Variants in IRAG1 observed in about 807,000 individuals in gnomAD.
IRAG1 encodes the protein inositol 1,4,5-triphosphate receptor associated 1, also known as IP3R-associated cGMP kinase substrate.
In IRAG1, 62 loss-of-function variants were observed where a neutral mutation model predicts 106.2. The ratio of observed to expected loss-of-function variants is 0.58; its 90% CI spans 0.48 to 0.72. The LOEUF is 0.72. Among genes scored for constraint, IRAG1 ranks in the 30% least tolerant of loss-of-function variants. The pLI, the probability that IRAG1 is intolerant of heterozygous loss-of-function variation, is 0.00. For missense variants in IRAG1, 1,064 were observed against 1,140.7 expected, an observed-to-expected ratio of 0.93 and a Z score of 0.97; for synonymous variants, 462 against 443.9, an observed-to-expected ratio of 1.04 and a Z score of -0.51.
At chr11:10,602,924 CT>C (rs1854156171) in intron 14 of IRAG1, among the ~76,000 whole-genome samples, 195 bp downstream of exon 14, 1 of 152,140 alleles carries the variant, frequency 6.6e-6, no homozygotes, top group Admixed American at 6.5e-5. Context: ...CCACAGAAAC[CT>C]TTTTCCACAA....
intron 2 of IRAG1, among the ~76,000 whole-genome samples, chr11:10,635,303 G>T (rs1431577402): frequency 6.6e-6 from 1 of 152,178 alleles, no homozygotes; most frequent in Non-Finnish European, 1.5e-5. Flanking sequence ...GGCATGTGCT[G>T]CCACTGCTCC....
At chr11:10,660,089 C>G (rs1203120906) in intron 1 of IRAG1, among the ~76,000 whole-genome samples, 1 of 152,184 alleles carries the variant, frequency 6.6e-6, no homozygotes, top group Non-Finnish European at 1.5e-5. Flanking sequence ...GTCACTAAGC[C>G]TGAGAAGTAG....
chr11:10,688,060 A>G (rs1589985301), intron 1 of IRAG1, among the ~76,000 whole-genome samples: 1 of 152,164 alleles, frequency 6.6e-6, no homozygotes, highest in East Asian at 1.9e-4. Flanking sequence ...TGGGATGCTG[A>G]ACTGGGTAAA....
At chr11:10,627,348 G>A (rs1186372321) in intron 8 of IRAG1, among the ~76,000 whole-genome samples, 4 of 152,108 alleles carry the variant, frequency 2.6e-5, no homozygotes, top group South Asian at 2.1e-4. Flanking sequence ...AGGTTTTCCC[G>A]GCTTCCCCAG....
chr11:10,586,233 T>TA (rs1330901629), intron 18 of IRAG1: 5 of 152,044 alleles, frequency 3.3e-5, no homozygotes, highest in Admixed American at 3.3e-4. Flanking sequence ...ACACAACATG[T>TA]AAAATGTTTG....
rs943890575 is a variant in IRAG1, at chr11:10,576,010, C to T, written c.*322G>A. On this transcript the variant is annotated 3_prime_UTR_variant, in exon 21 of 21. Coordinates refer to ENST00000423302, the MANE Select transcript of IRAG1 (RefSeq NM_130385.4). ...TCCCCCGTGCCCCGCTCCTTACCCC[C>T]AACCACCAGTGAAGGTGTTTTAGTT... 2 of 331,724 alleles carry T rather than the reference C, an allele frequency of 6.0e-6. No homozygotes were observed. Among genetic ancestry groups the T allele is most frequent in the Non-Finnish European group, 5.7e-6 (1 of 174,182 alleles). The allele number at this position is 331,724 out of a possible 1,614,324, so 20.5% of individuals were successfully genotyped here.
chr11:10,680,491 GAGAA>G (rs1240647452), intron 1 of IRAG1, among the ~76,000 whole-genome samples: 1 of 137,116 alleles, frequency 7.3e-6, no homozygotes, highest in African/African-American at 2.9e-5. Context: ...GGAAGGGAGG[GAGAA>G]AGAGAGAGAA....
chr11:10,670,252 T>C (rs569240616), intron 1 of IRAG1, among the ~76,000 whole-genome samples: 1 of 152,372 alleles, frequency 6.6e-6, no homozygotes, highest in East Asian at 1.9e-4. Flanking sequence ...GTCACCGTAC[T>C]GTTTACACAA....
chr11:10,636,027 T>G (rs140945250), intron 2 of IRAG1, among the ~76,000 whole-genome samples: 1 of 152,096 alleles, frequency 6.6e-6, no homozygotes, highest in African/African-American at 2.4e-5. Flanking sequence ...GAAGCAGCAT[T>G]GCCTATTGGA....
At chr11:10,677,995 A>G (rs1860830198) in intron 1 of IRAG1, among the ~76,000 whole-genome samples, 1 of 146,078 alleles carries the variant, frequency 6.8e-6, no homozygotes, top group African/African-American at 2.5e-5. Flanking sequence ...TTCCATCATT[A>G]TCTATCTCTC....
At chr11:10,583,635 A>G (rs190052735) in intron 18 of IRAG1, among the ~76,000 whole-genome samples, 2 of 152,324 alleles carry the variant, frequency 1.3e-5, no homozygotes, top group Admixed American at 1.3e-4. Context: ...GGGAGTGTGC[A>G]GCTGAAGTAG....
At chr11:10,663,034 C>G (rs7933917) in intron 1 of IRAG1, among the ~76,000 whole-genome samples, 5,330 of 152,182 alleles carry the variant, frequency 0.035, 334 homozygotes, top group African/African-American at 0.12. Context: ...CCTGAAGATG[C>G]CCTTTTCTTA....
At chr11:10,576,608 G>C in intron 20 of IRAG1, 33 bp from the exon 21 acceptor site, 1 of 1,612,438 alleles carries the variant, frequency 6.2e-7, no homozygotes, top group Non-Finnish European at 8.5e-7. Context: ...AGAGGCTTTA[G>C]TATACTGGGC....
Position 10,628,263 on chromosome 11 carries a change from T to G in IRAG1, c.653-238A>C, listed in dbSNP as rs1856412938. Among the ~76,000 whole-genome samples, 1 of 152,060 alleles carries G rather than the reference T, an allele frequency of 6.6e-6. No homozygotes were observed. The highest frequency in any genetic ancestry group is 1.5e-5 in the Non-Finnish European group (1 of 67,984). On this transcript the variant is annotated intron_variant, in intron 6 of 20. Coordinates refer to ENST00000423302, the MANE Select transcript of IRAG1 (RefSeq NM_130385.4). The surrounding 1 kb of genome is among the most constrained non-coding windows in gnomAD (Gnocchi z 4.1). ...TCTCATGGCCAGGAAATGTCAGCAC[T>G]GAGATTTGGGCCCAGGCTGCCTGGC...
At chr11:10,658,510 C>G (rs1859119365) in intron 1 of IRAG1, 1 of 155,116 alleles carries the variant, frequency 6.4e-6, no homozygotes, top group Admixed American at 6.5e-5. Flanking sequence ...ACAGCATCAA[C>G]AAAACCAAGC....
At chr11:10,672,294 G>A (rs976383572) in intron 1 of IRAG1, among the ~76,000 whole-genome samples, 1 of 152,126 alleles carries the variant, frequency 6.6e-6, no homozygotes, top group Non-Finnish European at 1.5e-5. Flanking sequence ...TGCCTTCTTA[G>A]ATACAACACC....
chr11:10,636,703 C>A (rs959618273), intron 2 of IRAG1, among the ~76,000 whole-genome samples: 2 of 152,166 alleles, frequency 1.3e-5, no homozygotes, highest in African/African-American at 4.8e-5. Context: ...GGATGGACCA[C>A]ATTCTGTGAA....
At position 10,575,282 on chromosome 11, in the gene IRAG1, G is replaced by C. The variant is rs1406272705; in HGVS notation, c.*1050C>G. 6.6e-6 allele frequency: 1 copy of C among 152,228 alleles called. No homozygotes were observed. The highest frequency in any genetic ancestry group is 1.5e-5 in the Non-Finnish European group (1 of 68,050). 9.4% of individuals were successfully genotyped at this position (152,228 alleles called of 1,614,324 possible). On this transcript the variant is annotated 3_prime_UTR_variant, in exon 21 of 21. Coordinates refer to ENST00000423302, the MANE Select transcript of IRAG1 (RefSeq NM_130385.4). ...TTTGAACTGAAGCACTGAGGTGCAA[G>C]TTTACTCTTGCATGTGGTCACACAC...
rs1256137412 is a variant in IRAG1, at chr11:10,627,965, C to T, written c.705+8G>A. On this transcript the variant is annotated splice_region_variant and intron_variant, in intron 7 of 20. Coordinates refer to ENST00000423302, the MANE Select transcript of IRAG1 (RefSeq NM_130385.4). ...AGAAACAGCACAGCAGGTGGGGGGT[C>T]CTGTCACCTGTGGTGGTGCTCCAGG... 2 of 1,602,162 alleles carry T rather than the reference C, an allele frequency of 1.2e-6. No individual in the cohort carries two copies. Among genetic ancestry groups the T allele is most frequent in the Admixed American group, 3.4e-5 (2 of 59,440 alleles).
Sources: allele counts gnomAD v4.1 joint callset (sites outside exome capture counted in the v4.1 genomes callset), GRCh38; gene constraint gnomAD v4.1.1; non-coding constraint Gnocchi (gnomAD v3.1); transcripts MANE v1.5; gene names NCBI Gene and HGNC (gene_info 2026-07-23, HGNC 2026-07-21).